SCD5: variants seen among roughly 807,000 people sequenced by gnomAD.
SCD5 encodes stearoyl-CoA desaturase 5, also known as acyl-CoA-desaturase 4.
SCD5 carries 20 observed loss-of-function variants against 30.4 expected under a neutral mutation model. The ratio of observed to expected loss-of-function variants is 0.66; its 90% CI spans 0.46 to 0.96. The LOEUF is 0.96. Ranked by LOEUF, SCD5 falls within the 40% of genes least tolerant of loss-of-function variation. SCD5 has a pLI of 0.00. For synonymous variants in SCD5, 173 were observed against 176.4 expected (o/e 0.98, Z 0.16); for missense variants, 381 against 443.3 (o/e 0.86, Z 1.26).
chr4:82,746,758 G>A (rs543651830), intron 1 of SCD5, among the ~76,000 whole-genome samples: 15 of 152,100 alleles, frequency 9.9e-5, no homozygotes, highest in African/African-American at 3.1e-4. Flanking sequence ...GAAAGAGCAA[G>A]GGAGGTGCTG....
intron 2 of SCD5, among the ~76,000 whole-genome samples, chr4:82,696,490 C>T (rs540355103): frequency 2.6e-5 from 4 of 152,290 alleles, no homozygotes; most frequent in African/African-American, 4.8e-5. Context: ...TGTTTCATTT[C>T]GTATCTTCAT....
intron 2 of SCD5, among the ~76,000 whole-genome samples, chr4:82,700,196 A>G (rs1719789605): frequency 6.6e-6 from 1 of 152,030 alleles, no homozygotes; most frequent in African/African-American, 2.4e-5. Flanking sequence ...CAGCATGTGC[A>G]ACAGAGTGGG....
chr4:82,783,442 T>C (rs908544187), intron 1 of SCD5, among the ~76,000 whole-genome samples: 1 of 152,206 alleles, frequency 6.6e-6, no homozygotes, highest in Non-Finnish European at 1.5e-5. Flanking sequence ...CATTAGACTT[T>C]CCACTGTGCA....
chr4:82,770,063 C>G (rs1420484979), intron 1 of SCD5, among the ~76,000 whole-genome samples: 1 of 152,024 alleles, frequency 6.6e-6, no homozygotes, highest in African/African-American at 2.4e-5. Flanking sequence ...ATTTTAAGTT[C>G]TAGGGTACGT....
At chr4:82,642,378 A>ATATGG in intron 3 of SCD5, among the ~76,000 whole-genome samples, 1 of 152,238 alleles carries the variant, frequency 6.6e-6, no homozygotes, top group Non-Finnish European at 1.5e-5. Context: ...TTGAACATAG[A>ATATGG]CCTGGCCCCA....
intron 1 of SCD5, among the ~76,000 whole-genome samples, chr4:82,780,692 C>T (rs1288442707): frequency 2.0e-5 from 3 of 152,252 alleles, no homozygotes. Context: ...CCAGAAATGG[C>T]CCTGGCCAAA....
At chr4:82,782,861 C>A (rs1406318440) in intron 1 of SCD5, among the ~76,000 whole-genome samples, 1 of 152,186 alleles carries the variant, frequency 6.6e-6, no homozygotes, top group Non-Finnish European at 1.5e-5. Context: ...CTGTTGTCAA[C>A]CCTAAGGAAT....
At chr4:82,780,231 T>C (rs1477679635) in intron 1 of SCD5, among the ~76,000 whole-genome samples, 3 of 152,208 alleles carry the variant, frequency 2.0e-5, no homozygotes, top group Admixed American at 1.3e-4. Context: ...AGAACTCCCA[T>C]TCACCTATTC....
chr4:82,781,961 C>T (rs1188180575), intron 1 of SCD5, among the ~76,000 whole-genome samples: 1 of 152,066 alleles, frequency 6.6e-6, no homozygotes, highest in Non-Finnish European at 1.5e-5. Context: ...TGTCATGTGG[C>T]CACTGTTGAC....
chr4:82,711,569 G>A (rs1452789266), intron 1 of SCD5, among the ~76,000 whole-genome samples: 1 of 152,168 alleles, frequency 6.6e-6, no homozygotes, highest in Admixed American at 6.5e-5. Flanking sequence ...AGCCAAGCGT[G>A]GTAGCACGTG....
At chr4:82,720,520 T>C (rs1720349418) in intron 1 of SCD5, among the ~76,000 whole-genome samples, 2 of 150,530 alleles carry the variant, frequency 1.3e-5, no homozygotes, top group Admixed American at 1.3e-4. Flanking sequence ...CCATTCCTAG[T>C]TGATGAAGGA....
chr4:82,735,094 A>T (rs934685746), intron 1 of SCD5, among the ~76,000 whole-genome samples: 1 of 152,164 alleles, frequency 6.6e-6, no homozygotes, highest in African/African-American at 2.4e-5. Context: ...TTCATTTAGC[A>T]TTATAGCAGG....
intron 1 of SCD5, among the ~76,000 whole-genome samples, chr4:82,730,587 T>TTTTA (rs1553918207): frequency 1.6e-5 from 2 of 126,778 alleles, no homozygotes; most frequent in East Asian, 4.1e-4. Context: ...TTTCCCTTCT[T>TTTTA]TTTTTTTTTT....
intron 2 of SCD5, among the ~76,000 whole-genome samples, chr4:82,697,558 T>C (rs765923420): frequency 2.6e-5 from 4 of 152,310 alleles, no homozygotes; most frequent in Non-Finnish European, 5.9e-5. Context: ...ATTTCTCTCA[T>C]CTCACCTACT....
At chr4:82,723,258 G>T (rs1268728163) in intron 1 of SCD5, among the ~76,000 whole-genome samples, 1 of 152,014 alleles carries the variant, frequency 6.6e-6, no homozygotes, top group Non-Finnish European at 1.5e-5. Flanking sequence ...TGTTTGTGAC[G>T]TTTATTTATT....
intron 1 of SCD5, among the ~76,000 whole-genome samples, chr4:82,754,908 T>C (rs368491780): frequency 6.6e-6 from 1 of 152,016 alleles, no homozygotes; most frequent in East Asian, 1.9e-4. Flanking sequence ...GTCTGAGGCT[T>C]TGAACACTTC....
At chr4:82,652,815 C>T (rs1727784883) in intron 3 of SCD5, among the ~76,000 whole-genome samples, 1 of 152,058 alleles carries the variant, frequency 6.6e-6, no homozygotes, top group Non-Finnish European at 1.5e-5. Context: ...AAATGTTTTG[C>T]CTAAATGTAT....
At chr4:82,774,590 A>G (rs1338025842) in intron 1 of SCD5, among the ~76,000 whole-genome samples, 1 of 152,190 alleles carries the variant, frequency 6.6e-6, no homozygotes, top group Non-Finnish European at 1.5e-5. Context: ...AAATTCCTCG[A>G]AAAGAAAGAG....
At chr4:82,638,318 G>A (rs1434529740) in intron 3 of SCD5, among the ~76,000 whole-genome samples, 2 of 151,866 alleles carry the variant, frequency 1.3e-5, no homozygotes, top group East Asian at 1.9e-4. Flanking sequence ...GGCAACGGCC[G>A]GTGTCTGGGC....
Sources: gnomAD v4.1 joint callset for allele counts (sites outside exome capture counted in the v4.1 genomes callset) on GRCh38, gnomAD v4.1.1 for gene constraint, MANE v1.5 for transcripts, NCBI Gene and HGNC (gene_info 2026-07-23, HGNC 2026-07-21) for gene names.